Variants in PTCHD4 observed in about 807,000 individuals in gnomAD.
PTCHD4 encodes the protein patched domain-containing protein 4.
Under a neutral mutation model 58.1 loss-of-function variants are expected in PTCHD4, and 33 were observed. That is an observed-to-expected ratio of 0.57 (90% CI 0.43 to 0.76). The LOEUF is 0.76. Among genes scored for constraint, PTCHD4 ranks in the 30% least tolerant of loss-of-function variants. The pLI, the probability that PTCHD4 is intolerant of heterozygous loss-of-function variation, is 0.00. For missense variants in PTCHD4, 1,058 were observed against 1,027.1 expected (o/e 1.03, Z -0.41); for synonymous variants, 478 against 409.6 (o/e 1.17, Z -2.02).
chr6:47,881,044 C>T (rs1764007559), intron 4 of PTCHD4, among the ~76,000 whole-genome samples: 1 of 152,090 alleles, frequency 6.6e-6, no homozygotes, highest in Non-Finnish European at 1.5e-5. Context: ...ACATAGGAAC[C>T]TTTTCTGTGA....
At chr6:47,975,145 T>G (rs1358965256) in intron 4 of PTCHD4, among the ~76,000 whole-genome samples, 1 of 152,206 alleles carries the variant, frequency 6.6e-6, no homozygotes, top group East Asian at 1.9e-4. Flanking sequence ...TCATTGTGAT[T>G]GTTTGCATCT....
chr6:47,911,085 T>C (rs1427208508), intron 4 of PTCHD4, among the ~76,000 whole-genome samples: 3 of 152,132 alleles, frequency 2.0e-5, no homozygotes, highest in Non-Finnish European at 4.4e-5. Context: ...TTGCTTACTG[T>C]TCTTGGATCC....
intron 3 of PTCHD4, among the ~76,000 whole-genome samples, chr6:48,047,989 G>A (rs1454444903): frequency 1.4e-5 from 2 of 144,038 alleles, no homozygotes; most frequent in Non-Finnish European, 3.0e-5. Context: ...TGGATATTGT[G>A]TCCTTAAGAT....
chr6:47,899,456 T>C (rs115329566), intron 4 of PTCHD4, among the ~76,000 whole-genome samples: 85 of 152,332 alleles, frequency 5.6e-4, no homozygotes, highest in African/African-American at 2.0e-3. Flanking sequence ...TGGAATGTTG[T>C]ATAGCTGTTG....
chr6:47,896,705 A>C (rs1764539476), intron 4 of PTCHD4, among the ~76,000 whole-genome samples: 1 of 152,184 alleles, frequency 6.6e-6, no homozygotes, highest in South Asian at 2.1e-4. Context: ...AGGACCCACT[A>C]AATGGGGAGA....
intron 3 of PTCHD4, among the ~76,000 whole-genome samples, chr6:48,023,941 G>A (rs1282965819): frequency 1.3e-5 from 2 of 152,134 alleles, no homozygotes; most frequent in Non-Finnish European, 2.9e-5. Flanking sequence ...AGGCAATATG[G>A]CTTGCAGTAG....
chr6:47,956,118 G>C (rs974802207), intron 4 of PTCHD4, among the ~76,000 whole-genome samples: 1 of 152,318 alleles, frequency 6.6e-6, no homozygotes. Context: ...TTTTCATCAA[G>C]TGAGATTTTC....
intron 3 of PTCHD4, among the ~76,000 whole-genome samples, chr6:48,059,596 G>A (rs1298301521): frequency 2.6e-5 from 4 of 151,960 alleles, no homozygotes; most frequent in Admixed American, 6.6e-5. Flanking sequence ...CCGAGATCAC[G>A]CCACTGCACT....
chr6:47,896,311 G>A (rs1245656750), intron 4 of PTCHD4, among the ~76,000 whole-genome samples: 2 of 152,158 alleles, frequency 1.3e-5, no homozygotes, highest in Non-Finnish European at 2.9e-5. Context: ...GGTCCTCAAA[G>A]GAAAGAAACC....
chr6:48,019,743 A>AG (rs1762999106), intron 3 of PTCHD4, among the ~76,000 whole-genome samples: 4 of 150,824 alleles, frequency 2.7e-5, no homozygotes, highest in African/African-American at 9.7e-5. Context: ...CTCAAAAAAA[A>AG]AAAAAATAAT....
Position 48,035,940 on chromosome 6 carries a change from T to C in PTCHD4, c.418-26826A>G, listed in dbSNP as rs78904136. 7.3e-3 allele frequency among the ~76,000 whole-genome samples: 1,112 copies of C among 152,162 alleles called. 8 individuals are homozygous for C. Among genetic ancestry groups the C allele is most frequent in the African/African-American group, 0.024 (994 of 41,532 alleles). ...CTTATCTCTCTCCCCCACTGAAAAA[T>C]CCCATTGCAGTGCTCCCTGTACTTA... On this transcript the variant is annotated intron_variant, in intron 3 of 4. Transcript: ENST00000339488.
At chr6:47,947,260 G>A (rs1766459306) in intron 4 of PTCHD4, among the ~76,000 whole-genome samples, 1 of 152,006 alleles carries the variant, frequency 6.6e-6, no homozygotes, top group South Asian at 2.1e-4. Context: ...ATATTGATAT[G>A]CTACTTTCCA....
rs116398771 is a variant in PTCHD4, at chr6:47,884,901, C to A, written c.899-4965G>T. 3.3e-3 allele frequency among the ~76,000 whole-genome samples: 503 copies of A among 152,164 alleles called. 4 individuals are homozygous for A. Among genetic ancestry groups the A allele is most frequent in the African/African-American group, 0.011 (473 of 41,526 alleles). ...GGATAACATGAATAGAGACAAAAAC[C>A]CCTGTAAACTATGAAGAGGTAGTTG... On this transcript the variant is annotated intron_variant, in intron 4 of 4. Coordinates refer to ENST00000339488, the MANE Select transcript of PTCHD4 (RefSeq NM_001384253.1).
In PTCHD4 at chr6:48,008,992, G is replaced by A. The variant is rs1429610719; in HGVS notation, c.540C>T (p.Gly180=). 6 of 1,613,976 alleles carry A rather than the reference G, an allele frequency of 3.7e-6. No homozygotes were observed. The highest frequency in any genetic ancestry group is 5.1e-6 in the Non-Finnish European group (6 of 1,179,884). The part of the protein sequence containing the change: ...IQITYYLQTY[G]SATQDLIGEK... ...CCCCTATGAGGTCTTGGGTGGCAGA[G>A]CCATAGGTCTGGAGGTAGTAGGTGA... is the stretch of plus-strand genomic sequence containing the variant. Residue 180 remains glycine, a synonymous_variant, in exon 4 of 5, where the codon GGC becomes GGT. Coordinates refer to ENST00000339488, the MANE Select transcript of PTCHD4 (RefSeq NM_001384253.1).
rs956246139 is a variant in PTCHD4, at chr6:47,873,477, T to A, written c.*4826A>T. 6.6e-6 allele frequency among the ~76,000 whole-genome samples: 1 copy of A among 151,670 alleles called. No homozygotes were observed. Among genetic ancestry groups the A allele is most frequent in the Admixed American group, 6.6e-5 (1 of 15,168 alleles). ...AAACGTGATGGTGGATTAATCTTGG[T>A]CCTTTAGTTGATAAATCAAGGTAAT... On this transcript the variant is annotated 3_prime_UTR_variant, in exon 5 of 5. Transcript: ENST00000339488.
chr6:48,089,414 T>G (rs1765321784), intron 1 of PTCHD4, among the ~76,000 whole-genome samples: 1 of 152,182 alleles, frequency 6.6e-6, no homozygotes. Context: ...CACACAGAAA[T>G]TTTTGTTTTA....
chr6:48,008,489 C>G, intron 4 of PTCHD4, 145 bp downstream of exon 4: 1 of 934,754 alleles, frequency 1.1e-6, no homozygotes, highest in Non-Finnish European at 1.6e-6. Context: ...TAAGGTGAAA[C>G]AGACACAACC....
chr6:48,083,553 T>C (rs1193968930), intron 1 of PTCHD4, among the ~76,000 whole-genome samples: 1 of 152,088 alleles, frequency 6.6e-6, no homozygotes, highest in East Asian at 1.9e-4. Context: ...ATAATTAGGA[T>C]TATGGGGGTT....
At chr6:48,074,900 G>T (rs1332819235) in intron 1 of PTCHD4, among the ~76,000 whole-genome samples, 1 of 151,860 alleles carries the variant, frequency 6.6e-6, no homozygotes, top group Non-Finnish European at 1.5e-5. Flanking sequence ...GCTTTATAAT[G>T]GTACAGGAAG....
Sources: allele counts gnomAD v4.1 joint callset (sites outside exome capture counted in the v4.1 genomes callset), GRCh38; gene constraint gnomAD v4.1.1; transcripts MANE v1.5; gene names NCBI Gene and HGNC (gene_info 2026-07-23, HGNC 2026-07-21).